Variants in HOMER2 observed in about 807,000 individuals in gnomAD.
The protein encoded by HOMER2 is homer scaffold protein 2, also known as homer protein homolog 2.
A neutral mutation model predicts 47.0 loss-of-function variants in HOMER2; 27 were observed. The observed-to-expected ratio is 0.57, with a 90% CI of 0.42 to 0.79. The LOEUF is 0.79. Ranked by LOEUF, HOMER2 falls within the 30% of genes least tolerant of loss-of-function variation. HOMER2 has a pLI of 0.00. For synonymous variants in HOMER2, 161 were observed against 163.8 expected (o/e 0.98, Z 0.13); for missense variants, 443 against 435.0 (o/e 1.02, Z -0.16).
At chr15:82,865,897 C>T (rs1007354506) in intron 3 of HOMER2, among the ~76,000 whole-genome samples, 5 of 152,196 alleles carry the variant, frequency 3.3e-5, no homozygotes, top group African/African-American at 1.2e-4. Context: ...TATGTCCAGG[C>T]AGAAGTTTGC....
intron 1 of HOMER2, among the ~76,000 whole-genome samples, chr15:82,961,066 G>T (rs1385589752): frequency 6.6e-6 from 1 of 152,204 alleles, no homozygotes; most frequent in Non-Finnish European, 1.5e-5. Context: ...CCCCAAATGA[G>T]CAGACCAGTG....
At chr15:82,940,779 G>A (rs1445237159) in intron 1 of HOMER2, among the ~76,000 whole-genome samples, 1 of 151,978 alleles carries the variant, frequency 6.6e-6, no homozygotes, top group Admixed American at 6.6e-5. Flanking sequence ...TGCGGCCCCA[G>A]CTACTCAGGA....
intron 3 of HOMER2, among the ~76,000 whole-genome samples, chr15:82,872,425 C>T (rs1481975102): frequency 6.6e-6 from 1 of 152,152 alleles, no homozygotes; most frequent in Non-Finnish European, 1.5e-5. Context: ...ATTTCTCCAA[C>T]TCTTAACCCT....
At chr15:82,896,690 C>T (rs1325385581) in intron 1 of HOMER2, among the ~76,000 whole-genome samples, 3 of 149,106 alleles carry the variant, frequency 2.0e-5, no homozygotes, top group African/African-American at 7.3e-5. Flanking sequence ...CAAAGACCTG[C>T]ATTCCTCATC....
chr15:82,860,290 T>TA (rs759273481), intron 4 of HOMER2, among the ~76,000 whole-genome samples: 43 of 152,062 alleles, frequency 2.8e-4, no homozygotes, highest in Non-Finnish European at 5.0e-4. Flanking sequence ...GACAAGCTCT[T>TA]AGAGTCCTCA....
chr15:82,870,599 G>A (rs1183203039), intron 3 of HOMER2, among the ~76,000 whole-genome samples: 2 of 152,170 alleles, frequency 1.3e-5, no homozygotes, highest in East Asian at 1.9e-4. Flanking sequence ...CGGTGATTAG[G>A]TTACCTGTTA....
intron 1 of HOMER2, among the ~76,000 whole-genome samples, chr15:82,911,870 A>C (rs1273655984): frequency 6.6e-6 from 1 of 152,012 alleles, no homozygotes; most frequent in African/African-American, 2.4e-5. Context: ...ATCTCTACAA[A>C]AGTACAAAAA....
At chr15:82,892,091 T>C (rs575521033) in intron 2 of HOMER2, among the ~76,000 whole-genome samples, 2 of 151,846 alleles carry the variant, frequency 1.3e-5, no homozygotes, top group South Asian at 4.2e-4. Context: ...AACAAAAATA[T>C]ATATGTATTT....
intron 1 of HOMER2, among the ~76,000 whole-genome samples, chr15:82,894,172 CTA>C (rs1404762589): frequency 1.3e-5 from 2 of 152,140 alleles, no homozygotes; most frequent in African/African-American, 4.8e-5. Flanking sequence ...TGCATATTAC[CTA>C]TGTTTCTTTC....
chr15:82,960,638 G>A (rs1596385187), intron 1 of HOMER2, among the ~76,000 whole-genome samples: 1 of 152,202 alleles, frequency 6.6e-6, no homozygotes, highest in Admixed American at 6.5e-5. Flanking sequence ...ATAGAAACAA[G>A]TGGGTTTTCA....
chr15:82,884,662 T>C (rs1483447845), intron 2 of HOMER2, among the ~76,000 whole-genome samples: 1 of 76,814 alleles, frequency 1.3e-5, no homozygotes, highest in Non-Finnish European at 2.3e-5. Context: ...GAAGCAATTG[T>C]GAATGGGAGT....
chr15:82,902,706 T>G (rs1316545121), intron 1 of HOMER2, among the ~76,000 whole-genome samples: 1 of 152,186 alleles, frequency 6.6e-6, no homozygotes, highest in African/African-American at 2.4e-5. Context: ...ATACCTGATA[T>G]GAGGGTATGA....
chr15:82,934,648 G>A (rs1045322462), intron 1 of HOMER2, among the ~76,000 whole-genome samples: 6 of 152,070 alleles, frequency 3.9e-5, no homozygotes, highest in East Asian at 1.9e-4. Context: ...ACCAATCCCC[G>A]GTGGATCCTG....
chr15:82,841,334 T>C (rs772415228), exon 2 of HOMER2: 12 of 152,138 alleles, frequency 7.9e-5, no homozygotes, highest in Non-Finnish European at 1.0e-4. Context: ...AAAGTCATAA[T>C]AGAGAAAAGC....
chr15:82,841,863 T>TC (rs2051179348), exon 2 of HOMER2: 1 of 152,176 alleles, frequency 6.6e-6, no homozygotes, highest in African/African-American at 2.4e-5. Context: ...CATAGGAAGA[T>TC]CTATTGCAAA....
At chr15:82,888,975 G>A (rs1352411353) in intron 2 of HOMER2, among the ~76,000 whole-genome samples, 5 of 152,106 alleles carry the variant, frequency 3.3e-5, no homozygotes, top group African/African-American at 9.7e-5. Context: ...GAGTGGAGGC[G>A]GCTTCCCCTT....
chr15:82,868,501 T>TTA (rs1295558269), intron 3 of HOMER2, among the ~76,000 whole-genome samples: 7 of 113,002 alleles, frequency 6.2e-5, no homozygotes, highest in Admixed American at 2.1e-4. Flanking sequence ...GTTACATAAG[T>TTA]TATATATATC....
At chr15:82,848,268 G>C (rs1240532993), downstream of HOMER2, among the ~76,000 whole-genome samples, 1 of 152,162 alleles carries the variant, frequency 6.6e-6, no homozygotes, top group African/African-American at 2.4e-5. Context: ...AATTCAGCAG[G>C]GAGAAAGTCT....
At chr15:82,864,062 A>C in intron 4 of HOMER2, 105 bp downstream of exon 4, 1 of 664,106 alleles carries the variant, frequency 1.5e-6, no homozygotes, top group East Asian at 2.7e-5. Context: ...AAGCCTTCAA[A>C]ATGACCTATT....
Sources: gnomAD v4.1 joint callset for allele counts (sites outside exome capture counted in the v4.1 genomes callset) on GRCh38, gnomAD v4.1.1 for gene constraint, MANE v1.5 for transcripts, NCBI Gene and HGNC (gene_info 2026-07-23, HGNC 2026-07-21) for gene names.